The following VPS13D variants were observed in gnomAD, a reference collection of about 807,000 sequenced individuals.
The protein encoded by VPS13D is intermembrane lipid transfer protein VPS13D.
In VPS13D, 187 loss-of-function variants were observed where a neutral mutation model predicts 461.9. That is an observed-to-expected ratio of 0.40 (90% CI 0.36 to 0.46). The LOEUF (loss-of-function observed/expected upper bound fraction) is 0.46. Among genes scored for constraint, VPS13D ranks in the 20% least tolerant of loss-of-function variants. VPS13D has a pLI of 0.60. For synonymous variants in VPS13D, 1,951 were observed against 1,986.3 expected (o/e 0.98, Z 0.47); for missense variants, 4,711 against 5,364.9 (o/e 0.88, Z 3.81).
chr1:12,321,897 C>A lies in VPS13D; in HGVS notation c.7637C>A (p.Ser2546Tyr), dbSNP rs1643047716. ...VQIQMELVGN[S>Y]SYQNSSGLMD... ...ATTCAAATGGAGTTGGTGGGGAATT[C>A]TTCTTATCAAAATAGTTCAGGATTG... The change falls in exon 33 of 70, where the codon TCT (serine) becomes TAT (tyrosine). Residue 2546 changes from serine (S) to tyrosine (Y), a missense_variant. Physicochemically the swap from Ser to Tyr is moderately radical, Grantham distance 144. Around this residue, in one of 3 missense-constraint regions of VPS13D, gnomAD observed 4,411 missense variants for 4,937.8 expected, o/e 0.89. Transcript: ENST00000620676. The A allele has an allele frequency of 6.2e-7, 1 of 1,613,632 alleles. No homozygotes were observed. Among genetic ancestry groups the A allele is most frequent in the Non-Finnish European group, 8.5e-7 (1 of 1,179,854 alleles).
rs1175022789 is a variant in VPS13D, at chr1:12,355,919, C to T, written c.9700C>T (p.Pro3234Ser). ...TTTAGGGGTATCACTGGAGAATTTC[C>T]CCCTCTGTAAAGAATTGCTCATTCC... is the stretch of plus-strand genomic sequence containing the variant. ...IELGVSLENF[P>S]LCKELLIPPG... The change falls in exon 48 of 70, where the codon CCC becomes TCC. Residue 3234 changes from proline (P) to serine (S), a missense_variant. Coordinates refer to ENST00000620676, the MANE Select transcript of VPS13D (RefSeq NM_015378.4). The T allele has an allele frequency of 1.9e-6, 3 of 1,587,526 alleles. No individual in the cohort carries two copies. The highest frequency in any genetic ancestry group is 1.7e-5 in the Admixed American group (1 of 57,700).
At chr1:12,388,171 A>T (rs564773270) in intron 60 of VPS13D, among the ~76,000 whole-genome samples, 13 of 152,356 alleles carry the variant, frequency 8.5e-5, no homozygotes, top group Non-Finnish European at 1.6e-4. Context: ...CTTATACATG[A>T]TGTGGTATGA....
At chr1:12,451,490 A>G (rs1461058157) in intron 65 of VPS13D, among the ~76,000 whole-genome samples, 4 of 152,282 alleles carry the variant, frequency 2.6e-5, no homozygotes, top group Middle Eastern at 6.8e-3. Context: ...GTTCCTTGGA[A>G]CCTTTCATTT....
chr1:12,404,907 T>A (rs1334880705), intron 63 of VPS13D, among the ~76,000 whole-genome samples: 2 of 152,230 alleles, frequency 1.3e-5, no homozygotes, highest in African/African-American at 4.8e-5. Context: ...TTCATTCTGT[T>A]GCACTTAAAG....
chr1:12,371,313 T>G (rs972495801), intron 54 of VPS13D, among the ~76,000 whole-genome samples: 4 of 152,164 alleles, frequency 2.6e-5, no homozygotes, highest in African/African-American at 9.7e-5. Flanking sequence ...AGGAGTGATC[T>G]TTTTTGTCTG....
intron 66 of VPS13D, among the ~76,000 whole-genome samples, chr1:12,458,347 G>T (rs1034053476): frequency 6.6e-6 from 1 of 152,176 alleles, no homozygotes; most frequent in Non-Finnish European, 1.5e-5. Context: ...GTCATGTTCT[G>T]TCTCTCAGGT....
At position 12,403,699 on chromosome 1, in the gene VPS13D, T is replaced by TA. The variant is rs985738348; in HGVS notation, c.11882-123dup. 3.9e-4 allele frequency: 352 copies of TA among 894,206 alleles called. 1 individual carries two copies. The highest frequency in any genetic ancestry group is 6.1e-5 in the Non-Finnish European group (37 of 606,090). The allele number at this position is 894,206 out of a possible 1,614,324, so 55.4% of individuals were successfully genotyped here. A position where few individuals can be genotyped will look rare whatever the true frequency, so the allele number is the denominator to read the frequency against. ...TACACGTCACTGTACCCTCACAAACTAAATCGAGAGTGATAGATGGTTTCC... is the reference window on the plus strand; with the variant it reads ...TACACGTCACTGTACCCTCACAAACTAAAATCGAGAGTGATAGATGGTTTCC... On this transcript the variant is annotated intron_variant, in intron 62 of 69. Transcript: ENST00000620676.
At position 12,365,626 on chromosome 1, in the gene VPS13D, C is replaced by T. The variant is rs182583581; in HGVS notation, c.10448+2379C>T. On this transcript the variant is annotated intron_variant, in intron 52 of 69. Coordinates refer to ENST00000620676, the MANE Select transcript of VPS13D (RefSeq NM_015378.4). ...GGCTGAGGCAGGAGAATCACTTGAA[C>T]CCAGGAGGCGGAGGTTGCAGTGACC... 1.6e-3 allele frequency among the ~76,000 whole-genome samples: 244 copies of T among 151,960 alleles called. 4 individuals are homozygous for T. Among genetic ancestry groups the T allele is most frequent in the African/African-American group, 5.7e-3 (237 of 41,438 alleles).
At position 12,500,129 on chromosome 1, in the gene VPS13D, T is replaced by G. The variant is rs553667016; in HGVS notation, c.12794+2498T>G. ...AAACCCCACGAAGTCCCCAGTGCCT[T>G]GGTGACTTCAACTTTATTCTCCCAG... On this transcript the variant is annotated intron_variant, in intron 68 of 69. Transcript: ENST00000620676. 3 of 985,422 alleles carry G rather than the reference T, an allele frequency of 3.0e-6. No individual in the cohort carries two copies. In the East Asian group the frequency reaches 3.4e-4, roughly 112 times the overall value. 61.0% of individuals were successfully genotyped at this position (985,422 alleles called of 1,614,324 possible).
chr1:12,397,017 T>C (rs555452630), intron 60 of VPS13D, among the ~76,000 whole-genome samples: 9 of 152,348 alleles, frequency 5.9e-5, no homozygotes, highest in African/African-American at 2.2e-4. Context: ...TACTGCAACC[T>C]CCGCCTCCCA....
At chr1:12,320,080 TTA>T (rs2101525408) in intron 32 of VPS13D, among the ~76,000 whole-genome samples, 1 of 152,348 alleles carries the variant, frequency 6.6e-6, no homozygotes, top group East Asian at 1.9e-4. Flanking sequence ...GCTAAGGATC[TTA>T]TATGTTATCC....
At chr1:12,499,035 T>C (rs1645999267) in intron 68 of VPS13D, among the ~76,000 whole-genome samples, 1 of 152,154 alleles carries the variant, frequency 6.6e-6, no homozygotes, top group African/African-American at 2.4e-5. Flanking sequence ...ATCAGTTCAC[T>C]CCAGAACTGC....
intron 67 of VPS13D, among the ~76,000 whole-genome samples, chr1:12,474,497 A>T (rs142138229): frequency 1.0e-3 from 157 of 152,290 alleles, no homozygotes; most frequent in African/African-American, 3.8e-3. Context: ...CTGTTAAAAA[A>T]AAAAAAGTTC....
chr1:12,242,661 T>A (rs1640415938), intron 3 of VPS13D, 71 bp downstream of exon 3: 2 of 1,378,734 alleles, frequency 1.5e-6, no homozygotes, highest in East Asian at 4.6e-5. Flanking sequence ...CTGAGAGCCC[T>A]GGAGTTTGTA....
chr1:12,279,410 G>A lies in VPS13D; in HGVS notation c.4451-89G>A. ...CCTCCTGGTCTAAGTGTAACTCATG[G>A]GCTGTATTTTGTATATTCTACGTTT... On this transcript the variant is annotated intron_variant, in intron 19 of 69. Transcript: ENST00000620676. This position sits in a 1 kb window ranked among gnomAD's most constrained non-coding sequence, Gnocchi z 4.3. 7.1e-7 allele frequency: 1 copy of A among 1,402,176 alleles called. No homozygotes were observed. Among genetic ancestry groups the A allele is most frequent in the Non-Finnish European group, 9.5e-7 (1 of 1,050,378 alleles). The allele number at this position is 1,402,176 out of a possible 1,614,324, so 86.9% of individuals were successfully genotyped here. A position where few individuals can be genotyped will look rare whatever the true frequency, so the allele number is the denominator to read the frequency against.
At chr1:12,280,897 T>C (rs1641756867) in intron 20 of VPS13D, among the ~76,000 whole-genome samples, 2 of 152,090 alleles carry the variant, frequency 1.3e-5, no homozygotes, top group South Asian at 4.1e-4. Flanking sequence ...AAGATAATTA[T>C]TTGAATTCTT....
chr1:12,504,465 C>T (rs74668778), intron 68 of VPS13D, among the ~76,000 whole-genome samples: 2,931 of 152,296 alleles, frequency 0.019, 115 homozygotes, highest in Admixed American at 0.1. Context: ...GACAGAGATC[C>T]GTGTGGAGTG....
chr1:12,363,800 A>G (rs1643987583), intron 52 of VPS13D, among the ~76,000 whole-genome samples: 1 of 151,950 alleles, frequency 6.6e-6, no homozygotes, highest in Admixed American at 6.6e-5. Flanking sequence ...TAAAAATACA[A>G]AAATTAGCTG....
chr1:12,341,726 T>C lies in VPS13D; in HGVS notation c.8627-54T>C. ...GCACTGTCTCCAGGTTGGGGGAGGG[T>C]CTCTGCCATGCAGATAGGGGCGTCT... is the stretch of plus-strand genomic sequence containing the variant. On this transcript the variant is annotated intron_variant, in intron 40 of 69. Coordinates refer to ENST00000620676, the MANE Select transcript of VPS13D (RefSeq NM_015378.4). 3 of 1,545,554 alleles carry C rather than the reference T, an allele frequency of 1.9e-6. No homozygotes were observed. In the South Asian group the frequency reaches 3.4e-5, roughly 18 times the overall value.
Sources: allele counts gnomAD v4.1 joint callset (sites outside exome capture counted in the v4.1 genomes callset), GRCh38; gene constraint gnomAD v4.1.1; regional missense constraint gnomAD v4.1.1; non-coding constraint Gnocchi (gnomAD v3.1); transcripts MANE v1.5; gene names NCBI Gene and HGNC (gene_info 2026-07-23, HGNC 2026-07-21).